Variants in RAPGEF6 observed in about 807,000 individuals in gnomAD.
RAPGEF6 encodes Rap guanine nucleotide exchange factor 6.
In RAPGEF6, 56 loss-of-function variants were observed where a neutral mutation model predicts 171.4. That is an observed-to-expected ratio of 0.33 (90% CI 0.26 to 0.41). The LOEUF (loss-of-function observed/expected upper bound fraction) is 0.41, where lower values mean the gene tolerates loss of function less well. Among genes scored for constraint, RAPGEF6 ranks in the 10% least tolerant of loss-of-function variants. The pLI is 1.00. For missense variants in RAPGEF6, 1,674 were observed against 1,921.4 expected (o/e 0.87, Z 2.41); for synonymous variants, 692 against 650.1 (o/e 1.06, Z -0.98).
intron 9 of RAPGEF6, among the ~76,000 whole-genome samples, chr5:131,507,287 CTT>C (rs937187284): frequency 6.6e-5 from 10 of 150,980 alleles, no homozygotes; most frequent in African/African-American, 2.4e-4. Flanking sequence ...TGAAATAACT[CTT>C]TGAGTTCTAC....
chr5:131,537,054 G>A (rs915460043), intron 6 of RAPGEF6, among the ~76,000 whole-genome samples: 3 of 152,052 alleles, frequency 2.0e-5, no homozygotes, highest in Non-Finnish European at 2.9e-5. Context: ...AGGTAATAAC[G>A]TTAGGTCAGC....
intron 21 of RAPGEF6, among the ~76,000 whole-genome samples, chr5:131,448,661 G>A (rs962125239): frequency 6.6e-6 from 1 of 152,090 alleles, no homozygotes; most frequent in Non-Finnish European, 1.5e-5. Context: ...TGTGATAAAC[G>A]TCGATAAAAT....
chr5:131,513,454 T>C (rs1202870984), intron 7 of RAPGEF6, among the ~76,000 whole-genome samples: 1 of 152,184 alleles, frequency 6.6e-6, no homozygotes, highest in Non-Finnish European at 1.5e-5. Flanking sequence ...TATTTCAATC[T>C]GGTCTCATTC....
chr5:131,603,852 T>C (rs936497306), intron 2 of RAPGEF6, among the ~76,000 whole-genome samples: 1 of 151,988 alleles, frequency 6.6e-6, no homozygotes, highest in East Asian at 1.9e-4. Flanking sequence ...AAATCTCTAA[T>C]AATTATATTT....
At chr5:131,451,814 G>A (rs920461569) in intron 21 of RAPGEF6, among the ~76,000 whole-genome samples, 1 of 151,728 alleles carries the variant, frequency 6.6e-6, no homozygotes, top group African/African-American at 2.4e-5. Context: ...AAATTGTGTC[G>A]GCCCCTGTAC....
At chr5:131,593,856 G>C (rs1461703506) in intron 3 of RAPGEF6, among the ~76,000 whole-genome samples, 1 of 152,206 alleles carries the variant, frequency 6.6e-6, no homozygotes, top group African/African-American at 2.4e-5. Context: ...TGAACAAAGA[G>C]ATTATCTGAA....
intron 6 of RAPGEF6, among the ~76,000 whole-genome samples, chr5:131,534,072 C>T (rs373140901): frequency 1.5e-4 from 23 of 151,892 alleles, no homozygotes; most frequent in East Asian, 5.8e-4. Context: ...TACCTCCAGG[C>T]GGCAAAATTA....
At chr5:131,571,878 GTACCCTTGT>G (rs1398501753) in intron 4 of RAPGEF6, among the ~76,000 whole-genome samples, 2 of 152,048 alleles carry the variant, frequency 1.3e-5, no homozygotes, top group Admixed American at 6.6e-5. Flanking sequence ...CTGTGATAAT[GTACCCTTGT>G]GAATGTACTT....
intron 22 of RAPGEF6, among the ~76,000 whole-genome samples, chr5:131,445,906 G>C (rs1752661876): frequency 6.6e-6 from 1 of 151,640 alleles, no homozygotes; most frequent in South Asian, 2.1e-4. Flanking sequence ...TTTGATTTCT[G>C]CTCTTAGAAT....
At position 131,439,684 on chromosome 5, in the gene RAPGEF6, T is replaced by A. The variant is rs763789743; in HGVS notation, c.3642A>T (p.Thr1214=). The A allele has an allele frequency of 5.0e-6, 8 of 1,612,418 alleles. No homozygotes were observed. Among genetic ancestry groups the A allele is most frequent in the Non-Finnish European group, 6.8e-6 (8 of 1,179,600 alleles). The change falls in exon 24 of 28, where the codon ACA becomes ACT. Residue 1214 remains threonine, a synonymous_variant. Transcript: ENST00000509018. ...GCTTCTTACCACTTATTTCTTCAGT[T>A]GTTCCTAAAACTTTCTGAGGTAAAC... ...NTSLPQKVLG[T]TEEISGKKHT... is the part of the protein sequence containing the mutation.
rs897288781 is a variant in RAPGEF6 at position 131,431,093 on chromosome 5, A to G, written c.4231T>C (p.Tyr1411His). ...AEVEPTDSEP[Y>H]SCSKSCSRTC... Reference sequence around the variant, plus strand: ...CTAGAGCAGCTTTTAGAACAGGAATAGGGCTCAGAGTCAGTGGGTTCAACT... The same window carrying G: ...CTAGAGCAGCTTTTAGAACAGGAATGGGGCTCAGAGTCAGTGGGTTCAACT... Residue 1411 changes from tyrosine (Y) to histidine (H), a missense_variant, in exon 26 of 28, where the codon TAT becomes CAT. Physicochemically the swap from Tyr to His is moderately conservative, Grantham distance 83 (BLOSUM62 2). Transcript: ENST00000509018. The G allele has an allele frequency of 6.2e-7, 1 of 1,614,092 alleles. No homozygotes were observed. Among genetic ancestry groups the G allele is most frequent in the Non-Finnish European group, 8.5e-7 (1 of 1,180,040 alleles).
intron 9 of RAPGEF6, among the ~76,000 whole-genome samples, chr5:131,507,052 A>C (rs1307725266): frequency 6.6e-6 from 1 of 150,446 alleles, no homozygotes; most frequent in East Asian, 1.9e-4. Flanking sequence ...AATTTTAAAA[A>C]TAATTTGGAT....
chr5:131,567,572 A>G (rs376734917), intron 4 of RAPGEF6, among the ~76,000 whole-genome samples: 69 of 152,308 alleles, frequency 4.5e-4, no homozygotes, highest in African/African-American at 1.6e-3. Context: ...ATATTGATTT[A>G]TAACAGAATT....
intron 14 of RAPGEF6, among the ~76,000 whole-genome samples, chr5:131,492,190 A>C (rs1299627320): frequency 3.3e-5 from 5 of 152,160 alleles, no homozygotes; most frequent in Admixed American, 6.5e-5. Context: ...AGCCACTTAC[A>C]TTTGAGAGTA....
Position 131,493,286 on chromosome 5 carries a change from G to A in RAPGEF6, c.1528-501C>T, listed in dbSNP as rs141829901. Among the ~76,000 whole-genome samples the A allele has an allele frequency of 7.4e-3, 1,127 of 152,114 alleles. 15 individuals are homozygous for A. Among genetic ancestry groups the A allele is most frequent in the African/African-American group, 0.026 (1,095 of 41,510 alleles). ...TCACCATGTTAGCCACGATGGTCTT[G>A]ATCTCTTGACCTCGTGATCCGCCTG... is the stretch of plus-strand genomic sequence containing the variant. On this transcript the variant is annotated intron_variant, in intron 13 of 27. Transcript: ENST00000509018.
chr5:131,613,226 C>T (rs1339654445), intron 1 of RAPGEF6, among the ~76,000 whole-genome samples: 11 of 152,108 alleles, frequency 7.2e-5, no homozygotes, highest in African/African-American at 2.2e-4. Context: ...CTGTCTAACA[C>T]GGTGAAACCC....
chr5:131,571,164 A>G (rs1364997228), intron 4 of RAPGEF6, among the ~76,000 whole-genome samples: 3 of 151,636 alleles, frequency 2.0e-5, no homozygotes, highest in Non-Finnish European at 4.4e-5. Flanking sequence ...TTGGTCTCAA[A>G]CTCCCAACTT....
At position 131,508,110 on chromosome 5, in the gene RAPGEF6, T is replaced by C. The variant is rs1246880740; in HGVS notation, c.903A>G (p.Val301=). The change falls in exon 9 of 28, where the codon GTA becomes GTG. Residue 301 remains valine, a synonymous_variant. Coordinates refer to ENST00000509018, the MANE Select transcript of RAPGEF6 (RefSeq NM_016340.6). The part of the protein sequence containing the change: ...ELCSVMIFEV[V]EQAGAIILED... The stretch of plus-strand genomic sequence containing the variant: ...CAAGAATAATAGCTCCAGCCTGCTC[T>C]ACCACTTCAAAAATCATCACTGAGC... 1 of 1,613,278 alleles carries C rather than the reference T, an allele frequency of 6.2e-7. No individual in the cohort carries two copies. Among genetic ancestry groups the C allele is most frequent in the South Asian group, 1.1e-5 (1 of 90,944 alleles).
chr5:131,564,628 G>C (rs1301109183), intron 4 of RAPGEF6, among the ~76,000 whole-genome samples: 1 of 151,806 alleles, frequency 6.6e-6, no homozygotes, highest in African/African-American at 2.4e-5. Flanking sequence ...AACAAACCAG[G>C]CATGCAAAGA....
Sources: gnomAD v4.1 joint callset for allele counts (sites outside exome capture counted in the v4.1 genomes callset) on GRCh38, gnomAD v4.1.1 for gene constraint, MANE v1.5 for transcripts, NCBI Gene and HGNC (gene_info 2026-07-23, HGNC 2026-07-21) for gene names.